NME8: variants seen among roughly 807,000 people sequenced by gnomAD.
NME8 encodes the protein protein NME8.
In NME8, 72 loss-of-function variants were observed where a neutral mutation model predicts 82.3. That is an observed-to-expected ratio of 0.87 (90% confidence interval 0.72 to 1.06). NME8 has a LOEUF of 1.06. Ranked by LOEUF, NME8 falls within the 50% of genes least tolerant of loss-of-function variation. The pLI, the probability that NME8 is intolerant of heterozygous loss-of-function variation, is 0.00. For synonymous variants in NME8, 267 were observed against 228.5 expected (o/e 1.17, Z -1.52); for missense variants, 712 against 685.4 (o/e 1.04, Z -0.43).
chr7:37,870,466 G>T (rs1784751207), intron 11 of NME8, among the ~76,000 whole-genome samples: 2 of 151,658 alleles, frequency 1.3e-5, no homozygotes, highest in Middle Eastern at 6.8e-3. Context: ...GTGCATGCCT[G>T]TAGTTCCAGC....
intron 12 of NME8, among the ~76,000 whole-genome samples, chr7:37,883,977 A>C (rs1353796079): frequency 6.6e-6 from 1 of 150,876 alleles, no homozygotes; most frequent in African/African-American, 2.5e-5. Flanking sequence ...ACACACACAC[A>C]CACACACACC....
In NME8 at chr7:37,885,863, T is replaced by G. The variant is rs191392533; in HGVS notation, c.1247+611T>G. Among the ~76,000 whole-genome samples, 9 of 152,286 alleles carry G rather than the reference T, an allele frequency of 5.9e-5. No individual in the cohort carries two copies. The East Asian group carries it at 1.7e-3, about 29-fold the overall frequency. On this transcript the variant is annotated intron_variant, in intron 14 of 17. Transcript: ENST00000199447. ...TGGCATGAAGCTGATGGAAACAAATTGAATTTCAATTCCCTTGAATTCTTC... is the reference window on the plus strand; with the variant it reads ...TGGCATGAAGCTGATGGAAACAAATGGAATTTCAATTCCCTTGAATTCTTC...
chr7:37,874,367 GA>G (rs1784816546), intron 11 of NME8, among the ~76,000 whole-genome samples: 1 of 152,210 alleles, frequency 6.6e-6, no homozygotes. Flanking sequence ...CAAAGATCAA[GA>G]AGGCAGTATT....
intron 5 of NME8, among the ~76,000 whole-genome samples, chr7:37,851,755 C>A (rs534429315): frequency 1.3e-5 from 2 of 152,146 alleles, no homozygotes; most frequent in South Asian, 2.1e-4. Context: ...CCCAAACCAA[C>A]TAGACTTAAG....
chr7:37,852,820 C>G (rs577180382), intron 5 of NME8, among the ~76,000 whole-genome samples: 164 of 152,146 alleles, frequency 1.1e-3, no homozygotes, highest in Admixed American at 4.4e-3. Flanking sequence ...TTTGTATGAA[C>G]ATACTACACT....
At chr7:37,863,020 T>G (rs1339313607) in intron 7 of NME8, among the ~76,000 whole-genome samples, 1 of 152,004 alleles carries the variant, frequency 6.6e-6, no homozygotes, top group Non-Finnish European at 1.5e-5. Flanking sequence ...TTCGGGAGAC[T>G]GAGGCAGGAG....
chr7:37,869,568 A>C (rs749925040), intron 11 of NME8, among the ~76,000 whole-genome samples: 2 of 152,198 alleles, frequency 1.3e-5, no homozygotes, highest in African/African-American at 2.4e-5. Flanking sequence ...CAATTTAGGC[A>C]TGTTAATTGG....
At chr7:37,852,068 T>C (rs1036621039) in intron 5 of NME8, among the ~76,000 whole-genome samples, 1 of 152,210 alleles carries the variant, frequency 6.6e-6, no homozygotes, top group Admixed American at 6.5e-5. Flanking sequence ...TAAGTGGCTG[T>C]CTACAGTAGT....
chr7:37,882,556 A>G (rs1046980958), intron 12 of NME8, among the ~76,000 whole-genome samples: 1 of 20,892 alleles, frequency 4.8e-5, no homozygotes, highest in South Asian at 2.3e-3. Context: ...GGAAAGAAAG[A>G]AAGAAAGAAA....
At chr7:37,868,425 A>G (rs559198854) in intron 11 of NME8, among the ~76,000 whole-genome samples, 1 of 62,488 alleles carries the variant, frequency 1.6e-5, no homozygotes, top group African/African-American at 1.0e-4. Context: ...CTAGTTACTT[A>G]TAACTTTTTT....
At chr7:37,872,574 G>T (rs1358562865) in intron 11 of NME8, among the ~76,000 whole-genome samples, 2 of 152,192 alleles carry the variant, frequency 1.3e-5, no homozygotes, top group Non-Finnish European at 2.9e-5. Flanking sequence ...ATTGTGATTT[G>T]AATTATAAGT....
intron 5 of NME8, among the ~76,000 whole-genome samples, chr7:37,852,249 A>T (rs963679825): frequency 1.3e-5 from 2 of 152,146 alleles, no homozygotes; most frequent in African/African-American, 4.8e-5. Context: ...AAGAGTTCTC[A>T]TATATCCCCT....
rs550240933 is a variant in NME8 at position 37,858,865 on chromosome 7, A to G, written c.270+1520A>G. On this transcript the variant is annotated intron_variant, in intron 6 of 17. Transcript: ENST00000199447. ...TTTGGGTCATTGGGGCGGATGCCTC[A>G]TAAATGGCTTGGTGCCCTCCCTACA... Among the ~76,000 whole-genome samples the G allele has an allele frequency of 1.1e-4, 17 of 152,336 alleles. No individual in the cohort carries two copies. In the South Asian group the frequency reaches 3.3e-3, roughly 30 times the overall value.
chr7:37,857,349 A>G lies in NME8; in HGVS notation c.270+4A>G. 1 of 1,587,896 alleles carries G rather than the reference A, an allele frequency of 6.3e-7. No individual in the cohort carries two copies. Among genetic ancestry groups the G allele is most frequent in the Non-Finnish European group, 8.6e-7 (1 of 1,156,984 alleles). ...ACCTGTTTTTCTCTTTAGTGTTGTA[A>G]GTATATTTACTTTCTCAATTGCATT... On this transcript the variant is annotated splice_donor_region_variant and intron_variant, in intron 6 of 17. Coordinates refer to ENST00000199447, the MANE Select transcript of NME8 (RefSeq NM_016616.5).
chr7:37,862,655 T>TTA (rs397733148), intron 7 of NME8, among the ~76,000 whole-genome samples: 3 of 151,688 alleles, frequency 2.0e-5, no homozygotes, highest in African/African-American at 4.8e-5. Flanking sequence ...ATTTTTTTTT[T>TTA]AGTTAAGGAA....
intron 15 of NME8, 76 bp downstream of exon 15, chr7:37,888,504 A>G: frequency 7.0e-7 from 1 of 1,425,200 alleles, no homozygotes; most frequent in South Asian, 1.2e-5. Flanking sequence ...TTACAATCAG[A>G]AAAGCAAAAC....
At chr7:37,862,747 C>T (rs1193629951) in intron 7 of NME8, among the ~76,000 whole-genome samples, 3 of 152,062 alleles carry the variant, frequency 2.0e-5, no homozygotes, top group Non-Finnish European at 4.4e-5. Flanking sequence ...TGATATTTAA[C>T]ATGATTATCA....
rs933940138 is a variant in NME8 at position 37,848,890 on chromosome 7, T to A, written c.-174T>A. ...GGAGAAGAAAGCCCAGCAGGAGGCCTGCTAGCCTCAGCCTCGGGCCCTACC... is the reference window on the plus strand; with the variant it reads ...GGAGAAGAAAGCCCAGCAGGAGGCCAGCTAGCCTCAGCCTCGGGCCCTACC... On this transcript the variant is annotated 5_prime_UTR_variant, in exon 2 of 18. Transcript: ENST00000199447. The A allele has an allele frequency of 6.6e-6, 1 of 152,272 alleles. No homozygotes were observed. Among genetic ancestry groups the A allele is most frequent in the Non-Finnish European group, 1.5e-5 (1 of 68,098 alleles). 9.4% of individuals were successfully genotyped at this position (152,272 alleles called of 1,614,324 possible). A position where few individuals can be genotyped will look rare whatever the true frequency, so the allele number is the denominator to read the frequency against.
At chr7:37,882,599 G>GAAAGAAAGAAAGAAAGAAAGAA (rs1374421441) in intron 12 of NME8, among the ~76,000 whole-genome samples, 1 of 39,778 alleles carries the variant, frequency 2.5e-5, no homozygotes, top group Non-Finnish European at 7.6e-5. Flanking sequence ...AAGAAAGAAA[G>GAAAGAAAGAAAGAAAGAAAGAA]AGAGAGAGAG....
Sources: allele counts gnomAD v4.1 joint callset (sites outside exome capture counted in the v4.1 genomes callset), GRCh38; gene constraint gnomAD v4.1.1; transcripts MANE v1.5; gene names NCBI Gene and HGNC (gene_info 2026-07-23, HGNC 2026-07-21).